The following DISP3 variants were observed in gnomAD, a reference collection of about 807,000 sequenced individuals.
The protein encoded by DISP3 is protein dispatched homolog 3.
In DISP3, 101 loss-of-function variants were observed where a neutral mutation model predicts 135.3. The observed-to-expected ratio is 0.75, with a 90% CI of 0.64 to 0.88. The LOEUF is 0.88. Ranked by LOEUF, DISP3 falls within the 40% of genes least tolerant of loss-of-function variation. The pLI, the probability that DISP3 is intolerant of heterozygous loss-of-function variation, is 0.00. For missense variants in DISP3, 1,713 were observed against 1,878.6 expected (o/e 0.91, Z 1.63); for synonymous variants, 856 against 817.0 (o/e 1.05, Z -0.81).
intron 3 of DISP3, among the ~76,000 whole-genome samples, chr1:11,511,697 A>T (rs1363430225): frequency 6.6e-6 from 1 of 152,074 alleles, no homozygotes; most frequent in Admixed American, 6.6e-5. Flanking sequence ...CTGGAGGACA[A>T]TGACCCTCTT....
rs1642258716 is a variant in DISP3, at chr1:11,522,721, AGCCAGGG to A, written c.2363-1220_2363-1214del. On this transcript the variant is annotated intron_variant, in intron 10 of 20. Coordinates refer to ENST00000294484, the MANE Select transcript of DISP3 (RefSeq NM_020780.2). ...CCCAGCCAGGACCCAGCCAGGGCCCAGCCAGGGCCCAGCCAGGGCCCAGCCAGGACCC... is the reference window on the plus strand; with the variant it reads ...CCCAGCCAGGACCCAGCCAGGGCCCACCCAGCCAGGGCCCAGCCAGGACCC... 1.2e-4 allele frequency among the ~76,000 whole-genome samples: 16 copies of A among 136,834 alleles called. 1 individual carries two copies. The highest frequency in any genetic ancestry group is 2.1e-4 in the East Asian group (1 of 4,830). The allele number at this position is 136,834 out of a possible 152,430, so 89.8% of individuals were successfully genotyped here.
At chr1:11,508,941 G>A (rs1641780498) in intron 3 of DISP3, among the ~76,000 whole-genome samples, 1 of 151,682 alleles carries the variant, frequency 6.6e-6, no homozygotes, top group Non-Finnish European at 1.5e-5. Context: ...TCTTTCTTTG[G>A]TTTATGCTAC....
chr1:11,526,661 C>T lies in DISP3; in HGVS notation c.2624C>T (p.Ala875Val). The change falls in exon 13 of 21, where the codon GCG becomes GTG. Residue 875 changes from alanine (A) to valine (V), a missense_variant. Physicochemically the swap from Ala to Val is moderately conservative, Grantham distance 64. Around this residue, in one of 2 missense-constraint regions of DISP3, gnomAD observed 1,142 missense variants for 1,384.6 expected, o/e 0.82. Transcript: ENST00000294484. ...GEVPSFQVYRAPFGNFTKKLT... is the reference protein window; with the variant it reads ...GEVPSFQVYRVPFGNFTKKLT... The stretch of plus-strand genomic sequence containing the variant: ...CAACCCACTGCTTAGGTGTATAGAG[C>T]GCCTTTTGGTAACTTCACCAAGAAG... The T allele has an allele frequency of 1.2e-6, 2 of 1,613,876 alleles. No homozygotes were observed. Among genetic ancestry groups the T allele is most frequent in the Non-Finnish European group, 1.7e-6 (2 of 1,179,770 alleles).
chr1:11,479,853 G>C (rs113046025), intron 1 of DISP3, among the ~76,000 whole-genome samples: 1 of 152,116 alleles, frequency 6.6e-6, no homozygotes, highest in Non-Finnish European at 1.5e-5. Context: ...TAGCGTACTC[G>C]TGCTCTCGGA....
At chr1:11,522,953 ACCAGGACCCAG>A (rs1244858551) in intron 10 of DISP3, among the ~76,000 whole-genome samples, 17 of 83,192 alleles carry the variant, frequency 2.0e-4, no homozygotes, top group Admixed American at 1.7e-3. Context: ...CCAGAGCCCA[ACCAGGACCCAG>A]CCAGGACCCA....
intron 7 of DISP3, among the ~76,000 whole-genome samples, chr1:11,518,752 T>C (rs1468292559): frequency 6.6e-6 from 1 of 152,198 alleles, no homozygotes; most frequent in Non-Finnish European, 1.5e-5. Flanking sequence ...TCAGCAGCAC[T>C]GTGATACCTG....
chr1:11,519,433 CA>C lies in DISP3; in HGVS notation c.1969del (p.Ser657AlafsTer75). The C allele has an allele frequency of 6.2e-7, 1 of 1,613,802 alleles. No individual in the cohort carries two copies. The highest frequency in any genetic ancestry group is 8.5e-7 in the Non-Finnish European group (1 of 1,180,026). On this transcript the variant is annotated frameshift_variant, in exon 8 of 21. Transcript: ENST00000294484. LOFTEE classifies it high-confidence loss of function. The surrounding 1 kb of genome is among the most constrained non-coding windows in gnomAD (Gnocchi z 4.3). ...TTGCCGCTCCCGAGCAGGTTGGAGGCAGCCCTGCCCAGGGCCCCATACCCTA... is the reference window on the plus strand; with the variant it reads ...TTGCCGCTCCCGAGCAGGTTGGAGGCGCCCTGCCCAGGGCCCCATACCCTA... ...VFAAPEQVGG[S>X]PAQGPIPYLD...
intron 1 of DISP3, among the ~76,000 whole-genome samples, chr1:11,486,300 G>GT (rs1641034747): frequency 6.6e-6 from 1 of 152,190 alleles, no homozygotes; most frequent in Admixed American, 6.5e-5. Context: ...CAGGATGTTG[G>GT]TTTTTGTTCC....
chr1:11,528,789 G>A (rs1444048696), intron 13 of DISP3, among the ~76,000 whole-genome samples: 2 of 152,238 alleles, frequency 1.3e-5, no homozygotes, highest in Non-Finnish European at 2.9e-5. Context: ...ATGGGGCTCA[G>A]TGACACATGG....
At chr1:11,535,146 A>G (rs2235662) in intron 19 of DISP3, 22 bp downstream of exon 19, 222,738 of 1,573,254 alleles carry the variant, frequency 0.14, 16,583 homozygotes, top group East Asian at 0.27. Context: ...AGGGGCTGGC[A>G]GGCACCCTGC....
At chr1:11,535,377 TCCTGTCAC>T in intron 19 of DISP3, 93 bp from the exon 20 acceptor site, 1 of 1,464,644 alleles carries the variant, frequency 6.8e-7, no homozygotes, top group South Asian at 1.3e-5. Flanking sequence ...GCCTTGTTTC[TCCTGTCAC>T]CTGAGGGTGG....
At position 11,499,103 on chromosome 1, in the gene DISP3, G is replaced by A. The variant is rs1261156794; in HGVS notation, c.-3-1887G>A. Among the ~76,000 whole-genome samples, 1 of 152,158 alleles carries A rather than the reference G, an allele frequency of 6.6e-6. No homozygotes were observed. Among genetic ancestry groups the A allele is most frequent in the African/African-American group, 2.4e-5 (1 of 41,418 alleles). ...GGACTTGCATGATGAATTCAATGTGGACCCCTAGGGGACGGGGATGGCATT... is the reference window on the plus strand; with the variant it reads ...GGACTTGCATGATGAATTCAATGTGAACCCCTAGGGGACGGGGATGGCATT... On this transcript the variant is annotated intron_variant, in intron 1 of 20. Transcript: ENST00000294484. The surrounding 1 kb of genome is among the most constrained non-coding windows in gnomAD (Gnocchi z 5.2).
chr1:11,536,252 C>A lies in DISP3; in HGVS notation c.3817-72C>A. 1 of 1,522,848 alleles carries A rather than the reference C, an allele frequency of 6.6e-7. No individual in the cohort carries two copies. Among genetic ancestry groups the A allele is most frequent in the Non-Finnish European group, 8.8e-7 (1 of 1,141,804 alleles). The allele number at this position is 1,522,848 out of a possible 1,614,324, so 94.3% of individuals were successfully genotyped here. A position where few individuals can be genotyped will look rare whatever the true frequency, so the allele number is the denominator to read the frequency against. On this transcript the variant is annotated intron_variant, in intron 20 of 20. Coordinates refer to ENST00000294484, the MANE Select transcript of DISP3 (RefSeq NM_020780.2). The surrounding 1 kb of genome is among the most constrained non-coding windows in gnomAD (Gnocchi z 4.3). Reference sequence around the variant, plus strand: ...AGGAACCTGGCGTGGGGTGGGGGTGCGTGATTCCCCAGGTGCTGGCCAGAG... The same window carrying A: ...AGGAACCTGGCGTGGGGTGGGGGTGAGTGATTCCCCAGGTGCTGGCCAGAG...
At chr1:11,522,845 C>G (rs374988398) in intron 10 of DISP3, among the ~76,000 whole-genome samples, 5 of 129,848 alleles carry the variant, frequency 3.9e-5, no homozygotes, top group South Asian at 2.7e-4. Flanking sequence ...AGGACCCAGC[C>G]AGAGCCCAGC....
At position 11,536,486 on chromosome 1, in the gene DISP3, G is replaced by A; in HGVS notation, c.3979G>A (p.Gly1327Ser). 6.2e-7 allele frequency: 1 copy of A among 1,613,478 alleles called. No homozygotes were observed. The highest frequency in any genetic ancestry group is 8.5e-7 in the Non-Finnish European group (1 of 1,179,922). ...CGGCAAGATTGTGGCACTCAACACG[G>A]GCGTGTCCATCCTCTACACGCTGAC... Reference protein sequence around the residue: ...KFGKIVALNTGVSILYTLTVS... With the variant: ...KFGKIVALNTSVSILYTLTVS... Residue 1327 changes from glycine (G) to serine (S), a missense_variant, in exon 21 of 21, where the codon GGC (glycine) becomes AGC (serine). This residue lies in a region of DISP3 where 1,142 missense variants were observed against 1,384.6 expected (regional missense o/e 0.82). Transcript: ENST00000294484. The surrounding 1 kb of genome is among the most constrained non-coding windows in gnomAD (Gnocchi z 4.3).
At chr1:11,495,257 G>A (rs542892852) in intron 1 of DISP3, among the ~76,000 whole-genome samples, 1 of 152,230 alleles carries the variant, frequency 6.6e-6, no homozygotes, top group East Asian at 1.9e-4. Flanking sequence ...CAGGCGTGGT[G>A]GTGCATGCCT....
chr1:11,526,591 G>T, intron 12 of DISP3, 60 bp from the exon 13 acceptor site: 2 of 1,553,914 alleles, frequency 1.3e-6, no homozygotes, highest in Non-Finnish European at 1.8e-6. Context: ...CCTGAGGCTG[G>T]CCCAGGCCGA....
chr1:11,524,236 A>G (rs977985201), intron 11 of DISP3, among the ~76,000 whole-genome samples, 181 bp downstream of exon 11: 26 of 152,114 alleles, frequency 1.7e-4, no homozygotes, highest in Admixed American at 1.7e-3. Flanking sequence ...CCATCCCGCC[A>G]GGACAGTAGG....
At chr1:11,480,901 G>C (rs1205126329) in intron 1 of DISP3, among the ~76,000 whole-genome samples, 1 of 144,798 alleles carries the variant, frequency 6.9e-6, no homozygotes, top group South Asian at 2.3e-4. Flanking sequence ...TTCAGCCCAG[G>C]GTCCATTTTG....
Sources: gnomAD v4.1 joint callset for allele counts (sites outside exome capture counted in the v4.1 genomes callset) on GRCh38, gnomAD v4.1.1 for gene constraint, gnomAD v4.1.1 regional missense constraint, Gnocchi (gnomAD v3.1) non-coding constraint, MANE v1.5 for transcripts, NCBI Gene and HGNC (gene_info 2026-07-23, HGNC 2026-07-21) for gene names.